Variants in SLC28A3 observed in about 807,000 individuals in gnomAD.
SLC28A3 encodes solute carrier family 28 member 3.
A neutral mutation model predicts 84.2 loss-of-function variants in SLC28A3; 68 were observed. The ratio of observed to expected loss-of-function variants is 0.81; its 90% CI spans 0.66 to 0.99. SLC28A3 has a LOEUF of 0.99. SLC28A3 is among the 50% of genes least tolerant of loss of function. The probability of loss-of-function intolerance (pLI) is 0.00; values close to 1 mark genes in which losing one functional copy is unlikely to be tolerated. For missense variants in SLC28A3, 712 were observed against 841.5 expected (o/e 0.85, Z 1.90); for synonymous variants, 267 against 303.6 (o/e 0.88, Z 1.25).
chr9:84,288,280 TG>T, intron 11 of SLC28A3, 102 bp from the exon 12 acceptor site: 1 of 1,515,800 alleles, frequency 6.6e-7, no homozygotes, highest in South Asian at 1.2e-5. Context: ...GGGCAGGGGT[TG>T]TTTCTATTCC....
chr9:84,308,438 C>T (rs1272997468), intron 3 of SLC28A3, among the ~76,000 whole-genome samples: 5 of 149,756 alleles, frequency 3.3e-5, no homozygotes, highest in Admixed American at 6.7e-5. Context: ...CCCAGCTACT[C>T]GGGAGGCTGA....
At chr9:84,287,135 G>T (rs1825021445) in intron 12 of SLC28A3, among the ~76,000 whole-genome samples, 1 of 150,360 alleles carries the variant, frequency 6.7e-6, no homozygotes. Flanking sequence ...GCTCAGCCTG[G>T]GTGACAGAGT....
At chr9:84,354,425 T>C in the SLC28A3 span, among the ~76,000 whole-genome samples, 2 of 152,234 alleles carry the variant, frequency 1.3e-5, no homozygotes, top group Non-Finnish European at 2.9e-5. Context: ...CTAGAAACAA[T>C]GAAGTTTTTA....
the SLC28A3 span, among the ~76,000 whole-genome samples, chr9:84,362,626 C>G: frequency 6.8e-6 from 1 of 147,656 alleles, no homozygotes; most frequent in Non-Finnish European, 1.5e-5. Flanking sequence ...GAGTGAGACT[C>G]TGTTTAAAAA....
intron 8 of SLC28A3, among the ~76,000 whole-genome samples, chr9:84,296,840 AC>A (rs1424365732): frequency 2.0e-5 from 3 of 152,212 alleles, no homozygotes; most frequent in Admixed American, 2.0e-4. Context: ...CTGATCCTGG[AC>A]CCATCAGCCA....
Position 84,286,445 on chromosome 9 carries a change from C to CTTTT in SLC28A3, c.1281-338_1281-335dup, listed in dbSNP as rs71498094. Among the ~76,000 whole-genome samples, 79 of 87,660 alleles carry CTTTT rather than the reference C, an allele frequency of 9.0e-4. 2 individuals are homozygous for CTTTT. Among genetic ancestry groups the CTTTT allele is most frequent in the African/African-American group, 1.6e-3 (33 of 21,018 alleles). The allele number at this position is 87,660 out of a possible 152,430, so 57.5% of individuals were successfully genotyped here. A position where few individuals can be genotyped will look rare whatever the true frequency, so the allele number is the denominator to read the frequency against. On this transcript the variant is annotated intron_variant, in intron 12 of 17. Coordinates refer to ENST00000376238, the MANE Select transcript of SLC28A3 (RefSeq NM_001199633.2). ...ATAGCATGTGTGCCACCATGCTTGG[C>CTTTT]TTTTTTTTTTTTTTTTTTTTTTTAA... is the stretch of plus-strand genomic sequence containing the variant.
chr9:84,344,178 C>A (rs990988379), upstream of SLC28A3, among the ~76,000 whole-genome samples: 1 of 143,432 alleles, frequency 7.0e-6, no homozygotes, highest in Non-Finnish European at 1.5e-5. Context: ...AAATTCTCAT[C>A]ATATGGGTTT....
At chr9:84,303,137 C>G (rs1453842446) in intron 4 of SLC28A3, among the ~76,000 whole-genome samples, 3 of 152,168 alleles carry the variant, frequency 2.0e-5, no homozygotes, top group Non-Finnish European at 2.9e-5. Flanking sequence ...ACTGAGTTCC[C>G]AACCATGACA....
chr9:84,314,219 G>T (rs570589706), intron 1 of SLC28A3, among the ~76,000 whole-genome samples: 10 of 152,102 alleles, frequency 6.6e-5, no homozygotes, highest in African/African-American at 2.4e-4. Context: ...CCTTTTTTGT[G>T]TGTGTGTGAG....
chr9:84,359,792 G>A, the SLC28A3 span, among the ~76,000 whole-genome samples: 1 of 152,024 alleles, frequency 6.6e-6, no homozygotes, highest in African/African-American at 2.4e-5. Context: ...TTTGAGCCCA[G>A]GAGTTCGAGA....
At chr9:84,351,611 G>A in the SLC28A3 span, among the ~76,000 whole-genome samples, 20 of 151,286 alleles carry the variant, frequency 1.3e-4, no homozygotes, top group African/African-American at 1.5e-4. Context: ...AGTGAGTTGT[G>A]ATTGCACCAC....
chr9:84,284,501 C>T (rs924779155), intron 14 of SLC28A3, among the ~76,000 whole-genome samples: 2 of 152,198 alleles, frequency 1.3e-5, no homozygotes, highest in Non-Finnish European at 2.9e-5. Context: ...AGGCAGGCTG[C>T]TTTTCCTCCC....
chr9:84,287,938 A>T lies in SLC28A3; in HGVS notation c.1280+110T>A, dbSNP rs1008284215. On this transcript the variant is annotated intron_variant, in intron 12 of 17. Coordinates refer to ENST00000376238, the MANE Select transcript of SLC28A3 (RefSeq NM_001199633.2). The stretch of plus-strand genomic sequence containing the variant: ...AAATAGTCTTTGGACTAACTTTAAT[A>T]TTGTAATTCACTGTGCTTTCCGGTT... 13 of 1,384,028 alleles carry T rather than the reference A, an allele frequency of 9.4e-6. No individual in the cohort carries two copies. In the African/African-American group the frequency reaches 1.9e-4, roughly 20 times the overall value. 85.7% of individuals were successfully genotyped at this position (1,384,028 alleles called of 1,614,324 possible).
At position 84,290,164 on chromosome 9, in the gene SLC28A3, A is replaced by C. The variant is rs1825154745; in HGVS notation, c.1139T>G (p.Ile380Ser). 5 of 1,613,628 alleles carry C rather than the reference A, an allele frequency of 3.1e-6. No individual in the cohort carries two copies. The highest frequency in any genetic ancestry group is 4.2e-6 in the Non-Finnish European group (5 of 1,179,752). ...CCAAAACATTCTTACCCCAAAAGAAATGTATGCACCTAGCACGCTTCCAGC... is the reference window on the plus strand; with the variant it reads ...CCAAAACATTCTTACCCCAAAAGAACTGTATGCACCTAGCACGCTTCCAGC... Reference protein sequence around the residue: ...TIAGSVLGAYISFGVPSSHLL... With the variant: ...TIAGSVLGAYSSFGVPSSHLL... The change falls in exon 11 of 18, where the codon ATT (isoleucine) becomes AGT (serine). Residue 380 changes from isoleucine to serine, a missense_variant. Ile to Ser is a moderately radical substitution (Grantham distance 142). Coordinates refer to ENST00000376238, the MANE Select transcript of SLC28A3 (RefSeq NM_001199633.2).
At chr9:84,354,724 G>A in the SLC28A3 span, among the ~76,000 whole-genome samples, 26,082 of 152,018 alleles carry the variant, frequency 0.17, 2,513 homozygotes, top group African/African-American at 0.26. Context: ...GCGTGTGCCT[G>A]TAATCCCAGC....
At chr9:84,298,789 T>A (rs888477708) in intron 6 of SLC28A3, among the ~76,000 whole-genome samples, 10 of 152,216 alleles carry the variant, frequency 6.6e-5, no homozygotes, top group Non-Finnish European at 1.3e-4. Flanking sequence ...AATATTGCCC[T>A]GTCAAGAGGC....
intron 1 of SLC28A3, among the ~76,000 whole-genome samples, chr9:84,326,443 T>C (rs1826551123): frequency 6.6e-6 from 1 of 152,192 alleles, no homozygotes; most frequent in Non-Finnish European, 1.5e-5. Context: ...GATTCTATCC[T>C]AACTGAAGTA....
At chr9:84,295,632 CATTTTCCTAGATCCT>C (rs1825386732) in intron 8 of SLC28A3, among the ~76,000 whole-genome samples, 1 of 152,014 alleles carries the variant, frequency 6.6e-6, no homozygotes, top group Non-Finnish European at 1.5e-5. Flanking sequence ...AAAACCATTG[CATTTTCCTAGATCCT>C]ATTTTCCTGA....
At chr9:84,282,328 C>T (rs370602108) in intron 14 of SLC28A3, among the ~76,000 whole-genome samples, 29 of 150,722 alleles carry the variant, frequency 1.9e-4, no homozygotes, top group Middle Eastern at 3.4e-3. Flanking sequence ...GTCTATATGT[C>T]GATTATAGTT....
Sources: gnomAD v4.1 joint callset for allele counts (sites outside exome capture counted in the v4.1 genomes callset) on GRCh38, gnomAD v4.1.1 for gene constraint, MANE v1.5 for transcripts, NCBI Gene and HGNC (gene_info 2026-07-23, HGNC 2026-07-21) for gene names.